COMMD10: variants seen among roughly 807,000 people sequenced by gnomAD.
The protein encoded by COMMD10 is COMM domain containing 10.
In COMMD10, 33 loss-of-function variants were observed where a neutral mutation model predicts 28.9. That is an observed-to-expected ratio of 1.14 (90% confidence interval 0.87 to 1.53). The LOEUF (loss-of-function observed/expected upper bound fraction) is 1.53, where lower values mean the gene tolerates loss of function less well. Ranked by LOEUF, COMMD10 falls within the 40% of genes most tolerant of loss-of-function variation. The probability of loss-of-function intolerance (pLI) is 0.00; values close to 1 mark genes in which losing one functional copy is unlikely to be tolerated. For missense variants in COMMD10, 310 were observed against 233.4 expected (o/e 1.33, Z -2.14); for synonymous variants, 110 against 81.7 (o/e 1.35, Z -1.87).
At chr5:116,167,628 G>T (rs1753174857) in intron 5 of COMMD10, among the ~76,000 whole-genome samples, 2 of 152,140 alleles carry the variant, frequency 1.3e-5, no homozygotes, top group Non-Finnish European at 2.9e-5. Context: ...ACTAACAGCG[G>T]ATCTCTCGGC....
chr5:116,222,200 G>C (rs1470197658), intron 5 of COMMD10, among the ~76,000 whole-genome samples: 1 of 152,172 alleles, frequency 6.6e-6, no homozygotes, highest in Non-Finnish European at 1.5e-5. Context: ...TCTAATTTAA[G>C]TCTGTTACTC....
intron 5 of COMMD10, among the ~76,000 whole-genome samples, chr5:116,229,461 G>A (rs1202057838): frequency 6.6e-6 from 1 of 151,992 alleles, no homozygotes; most frequent in Admixed American, 6.6e-5. Context: ...CAGCACTGTA[G>A]CATTACCTCT....
intron 5 of COMMD10, among the ~76,000 whole-genome samples, chr5:116,272,158 T>A (rs1750777154): frequency 6.6e-6 from 1 of 152,020 alleles, no homozygotes; most frequent in Non-Finnish European, 1.5e-5. Context: ...AGCCATTTAG[T>A]CCATCCCTCA....
chr5:116,090,455 C>G (rs562379308), intron 2 of COMMD10, among the ~76,000 whole-genome samples: 1 of 152,254 alleles, frequency 6.6e-6, no homozygotes, highest in African/African-American at 2.4e-5. Flanking sequence ...CATTTGTGGC[C>G]TTTGCACTTC....
chr5:116,270,265 G>A (rs756111904), intron 5 of COMMD10, among the ~76,000 whole-genome samples: 19 of 151,860 alleles, frequency 1.3e-4, no homozygotes, highest in Middle Eastern at 3.4e-3. Flanking sequence ...CTGGGTGTTG[G>A]GTTACAGGCT....
chr5:116,168,077 C>G (rs553271054), intron 5 of COMMD10, among the ~76,000 whole-genome samples: 1 of 145,156 alleles, frequency 6.9e-6, no homozygotes, highest in Non-Finnish European at 1.5e-5. Context: ...GTGCTGTATT[C>G]AGGAGACCCA....
chr5:116,121,103 G>C (rs1396811570), intron 4 of COMMD10, among the ~76,000 whole-genome samples: 1 of 152,026 alleles, frequency 6.6e-6, no homozygotes, highest in Non-Finnish European at 1.5e-5. Context: ...ATTTACATTA[G>C]ATATTTCTCC....
At chr5:116,163,729 T>C (rs1752999713) in intron 5 of COMMD10, among the ~76,000 whole-genome samples, 1 of 152,216 alleles carries the variant, frequency 6.6e-6, no homozygotes. Context: ...TATTCTTTTA[T>C]TATAAAGCAC....
At chr5:116,100,107 T>C (rs1322585140) in intron 4 of COMMD10, among the ~76,000 whole-genome samples, 3 of 152,194 alleles carry the variant, frequency 2.0e-5, no homozygotes, top group Admixed American at 2.0e-4. Flanking sequence ...CTGTGACCTG[T>C]CATATGAGAT....
chr5:116,271,654 G>T (rs1250910768), intron 5 of COMMD10, among the ~76,000 whole-genome samples: 2 of 151,788 alleles, frequency 1.3e-5, no homozygotes, highest in Admixed American at 1.3e-4. Context: ...TTTCACATTA[G>T]TCTGGACCAA....
At chr5:116,208,404 T>C (rs1183658220) in intron 5 of COMMD10, among the ~76,000 whole-genome samples, 1 of 152,142 alleles carries the variant, frequency 6.6e-6, no homozygotes, top group Non-Finnish European at 1.5e-5. Context: ...TGTCTAGCCA[T>C]TCCTATACAT....
intron 3 of COMMD10, 104 bp downstream of exon 3, chr5:116,091,293 A>G (rs995681198): frequency 1.7e-5 from 9 of 525,270 alleles, no homozygotes; most frequent in Middle Eastern, 5.1e-4. Flanking sequence ...AAAGTATGCA[A>G]GATGGAAGCT....
At chr5:116,146,836 A>G (rs772425447) in intron 5 of COMMD10, among the ~76,000 whole-genome samples, 1 of 151,782 alleles carries the variant, frequency 6.6e-6, no homozygotes, top group Non-Finnish European at 1.5e-5. Flanking sequence ...TTTTGATGGT[A>G]TTGGGAGAAG....
chr5:116,206,660 G>GA (rs1290032517), intron 5 of COMMD10, among the ~76,000 whole-genome samples: 1 of 150,808 alleles, frequency 6.6e-6, no homozygotes, highest in Non-Finnish European at 1.5e-5. Context: ...CTCAAAAAAA[G>GA]AAAAAAAGAA....
chr5:116,170,823 A>G (rs542467633), intron 5 of COMMD10, among the ~76,000 whole-genome samples: 1 of 152,326 alleles, frequency 6.6e-6, no homozygotes, highest in South Asian at 2.1e-4. Context: ...TACACCTTAT[A>G]TAAAAATTAA....
chr5:116,243,343 C>T (rs1749861586), intron 5 of COMMD10, among the ~76,000 whole-genome samples: 2 of 152,100 alleles, frequency 1.3e-5, no homozygotes, highest in Admixed American at 1.3e-4. Context: ...CTTCAAATTT[C>T]ACTCTTTTAA....
chr5:116,220,822 G>T (rs917865278), intron 5 of COMMD10, among the ~76,000 whole-genome samples: 4 of 152,130 alleles, frequency 2.6e-5, no homozygotes, highest in African/African-American at 9.6e-5. Context: ...ATTTTAAAGG[G>T]ACCATCTTTT....
intron 4 of COMMD10, among the ~76,000 whole-genome samples, chr5:116,122,233 T>C (rs924731772): frequency 1.5e-4 from 23 of 152,226 alleles, no homozygotes; most frequent in African/African-American, 5.3e-4. Flanking sequence ...ATTTATTAAA[T>C]AGGGAATCCT....
chr5:116,264,372 T>G lies in COMMD10; in HGVS notation c.511-27145T>G, dbSNP rs1750527562. ...TTTAGTAGTTACAAAAATTACTGCT[T>G]AGTGAAAACTTAGCATCAGGATATC... On this transcript the variant is annotated intron_variant, in intron 5 of 6. Transcript: ENST00000274458. 1.3e-5 allele frequency among the ~76,000 whole-genome samples: 2 copies of G among 151,844 alleles called. 1 individual carries two copies. Among genetic ancestry groups the G allele is most frequent in the South Asian group, 4.1e-4 (2 of 4,830 alleles).
Sources: gnomAD v4.1 joint callset for allele counts (sites outside exome capture counted in the v4.1 genomes callset) on GRCh38, gnomAD v4.1.1 for gene constraint, MANE v1.5 for transcripts, NCBI Gene and HGNC (gene_info 2026-07-23, HGNC 2026-07-21) for gene names.